DNAH8: variants seen among roughly 807,000 people sequenced by gnomAD.
The protein encoded by DNAH8 is axonemal beta dynein heavy chain 8.
Under a neutral mutation model 562.1 loss-of-function variants are expected in DNAH8, and 382 were observed. The ratio of observed to expected loss-of-function variants is 0.68; its 90% CI spans 0.63 to 0.74. The LOEUF is 0.74. DNAH8 is among the 30% of genes least tolerant of loss of function. The pLI, the probability that DNAH8 is intolerant of heterozygous loss-of-function variation, is 0.00. For missense variants in DNAH8, 5,203 were observed against 5,620.4 expected (o/e 0.93, Z 2.37); for synonymous variants, 1,881 against 1,919.4 (o/e 0.98, Z 0.52).
Position 38,828,197 on chromosome 6 carries a change from T to C in DNAH8, c.4097T>C (p.Ile1366Thr). ...TTCATCCTGCAGGAAGCCTATGCTA[T>C]TTTAAACAGATTTGAAGTTGAAGTA... ...TLGPIEEAYAILNRFEVEVTK... is the reference protein window; with the variant it reads ...TLGPIEEAYATLNRFEVEVTK... The change falls in exon 30 of 93, where the codon ATT (isoleucine) becomes ACT (threonine). Residue 1366 changes from isoleucine (I) to threonine (T), a missense_variant. Transcript: ENST00000327475. 1 of 1,592,104 alleles carries C rather than the reference T, an allele frequency of 6.3e-7. No homozygotes were observed. Among genetic ancestry groups the C allele is most frequent in the Non-Finnish European group, 8.5e-7 (1 of 1,170,568 alleles).
chr6:38,851,229 C>T (rs1462213359), intron 38 of DNAH8, among the ~76,000 whole-genome samples: 4 of 152,256 alleles, frequency 2.6e-5, no homozygotes, highest in African/African-American at 9.6e-5. Context: ...CTCCCTTTCA[C>T]TCTCAAAATG....
chr6:38,807,407 C>T (rs1771378042), intron 23 of DNAH8, among the ~76,000 whole-genome samples: 1 of 152,156 alleles, frequency 6.6e-6, no homozygotes. Flanking sequence ...TTTATGCAAA[C>T]ACATTTTTCA....
intron 57 of DNAH8, among the ~76,000 whole-genome samples, chr6:38,888,632 G>A (rs763190904): frequency 5.9e-5 from 9 of 152,254 alleles, no homozygotes; most frequent in Non-Finnish European, 1.0e-4. Flanking sequence ...ACAAAGTAAA[G>A]ATGGTAAACA....
Position 38,826,380 on chromosome 6 carries a change from G to A in DNAH8, c.4072G>A (p.Gly1358Arg). 1 of 1,591,452 alleles carries A rather than the reference G, an allele frequency of 6.3e-7. No homozygotes were observed. Among genetic ancestry groups the A allele is most frequent in the Non-Finnish European group, 8.5e-7 (1 of 1,171,154 alleles). ...TGAAATTCAAATGGACATGACTTTG[G>A]GACCAATTGAAGTAAGAAATGATTG... The part of the protein sequence containing the change: ...DNEIQMDMTL[G>R]PIEEAYAILN... The change falls in exon 29 of 93, where the codon GGA (glycine) becomes AGA (arginine). Residue 1358 changes from glycine (G) to arginine (R), a missense_variant. Coordinates refer to ENST00000327475, the MANE Select transcript of DNAH8 (RefSeq NM_001206927.2).
At chr6:38,980,828 G>A (rs896764138) in intron 85 of DNAH8, among the ~76,000 whole-genome samples, 4 of 151,958 alleles carry the variant, frequency 2.6e-5, no homozygotes, top group Admixed American at 1.3e-4. Context: ...TAATCTTAAT[G>A]GTTTACTAAA....
intron 7 of DNAH8, among the ~76,000 whole-genome samples, chr6:38,740,055 C>T (rs1483009042): frequency 2.6e-5 from 4 of 152,076 alleles, no homozygotes; most frequent in Non-Finnish European, 5.9e-5. Context: ...TTTTGTTTGT[C>T]TCACTGGTGT....
At chr6:38,768,861 T>A (rs892182897) in intron 11 of DNAH8, among the ~76,000 whole-genome samples, 2 of 152,204 alleles carry the variant, frequency 1.3e-5, no homozygotes, top group African/African-American at 4.8e-5. Flanking sequence ...TTATTGCTAC[T>A]TGCAGGATTC....
chr6:39,004,335 A>G (rs1454903833), intron 88 of DNAH8, among the ~76,000 whole-genome samples: 1 of 152,204 alleles, frequency 6.6e-6, no homozygotes, highest in Non-Finnish European at 1.5e-5. Context: ...TAATCCCACA[A>G]TTAGACATAC....
chr6:38,883,686 T>C (rs1293618842), intron 55 of DNAH8, among the ~76,000 whole-genome samples, 190 bp from the exon 56 acceptor site: 2 of 152,186 alleles, frequency 1.3e-5, no homozygotes, highest in Non-Finnish European at 2.9e-5. Context: ...GCATATCTAC[T>C]GTAATGTAAA....
chr6:38,757,952 C>T lies in DNAH8; in HGVS notation c.1515+1873C>T, dbSNP rs538207566. 4.6e-5 allele frequency among the ~76,000 whole-genome samples: 7 copies of T among 152,234 alleles called. No homozygotes were observed. In the South Asian group the frequency reaches 1.0e-3, roughly 23 times the overall value. Reference sequence around the variant, plus strand: ...TGTAGTATAGTTTGAAGTCAGGTAGCGTGATGCCTCTAGCTTTGTTCTTTT... The same window carrying T: ...TGTAGTATAGTTTGAAGTCAGGTAGTGTGATGCCTCTAGCTTTGTTCTTTT... On this transcript the variant is annotated intron_variant, in intron 10 of 92. Coordinates refer to ENST00000327475, the MANE Select transcript of DNAH8 (RefSeq NM_001206927.2).
rs1278891543 is a variant in DNAH8 at position 38,780,080 on chromosome 6, T to TATAA, written c.2139+21_2139+24dup. 3 of 1,609,700 alleles carry TATAA rather than the reference T, an allele frequency of 1.9e-6. No individual in the cohort carries two copies. The highest frequency in any genetic ancestry group is 1.7e-6 in the Non-Finnish European group (2 of 1,177,260). On this transcript the variant is annotated intron_variant, in intron 15 of 92. Transcript: ENST00000327475. Reference sequence around the variant, plus strand: ...CTACTAAGAAGGCAAGTGTCATGTTTATAAATAAAATGGTACATTAGCACA... The same window carrying TATAA: ...CTACTAAGAAGGCAAGTGTCATGTTTATAAATAAATAAAATGGTACATTAGCACA...
chr6:39,016,117 C>T (rs1393441770), intron 91 of DNAH8, among the ~76,000 whole-genome samples: 5 of 152,332 alleles, frequency 3.3e-5, no homozygotes, highest in Admixed American at 2.0e-4. Context: ...CTGGAAGCCT[C>T]GCTGGACACT....
At chr6:39,021,760 A>C (rs1419771696) in intron 91 of DNAH8, among the ~76,000 whole-genome samples, 1 of 152,258 alleles carries the variant, frequency 6.6e-6, no homozygotes, top group Non-Finnish European at 1.5e-5. Context: ...GCACAGCCTA[A>C]GGCCTATTGC....
chr6:38,960,739 A>G (rs183859597), intron 82 of DNAH8, among the ~76,000 whole-genome samples: 133 of 152,180 alleles, frequency 8.7e-4, no homozygotes, highest in African/African-American at 2.9e-3. Flanking sequence ...GAACTGCTCT[A>G]TGATTCAGCA....
rs191315362 is a variant in DNAH8, at chr6:38,970,762, C to T, written c.12452-830C>T. Among the ~76,000 whole-genome samples the T allele has an allele frequency of 2.3e-3, 351 of 152,260 alleles. 2 individuals carry two copies. Among genetic ancestry groups the T allele is most frequent in the Admixed American group, 0.014 (217 of 15,290 alleles). The stretch of plus-strand genomic sequence containing the variant: ...GCTTTTCCTTGTACAGGGATTATGC[C>T]TCTAGAACTCAAGAAAATTTGGGTC... On this transcript the variant is annotated intron_variant, in intron 82 of 92. Coordinates refer to ENST00000327475, the MANE Select transcript of DNAH8 (RefSeq NM_001206927.2).
intron 28 of DNAH8, among the ~76,000 whole-genome samples, chr6:38,824,314 A>G (rs942281609): frequency 1.3e-5 from 2 of 152,212 alleles, no homozygotes; most frequent in African/African-American, 2.4e-5. Flanking sequence ...CATCATCTGT[A>G]GAAGGATGCT....
At chr6:39,001,126 G>A (rs898843479) in intron 88 of DNAH8, among the ~76,000 whole-genome samples, 1 of 152,148 alleles carries the variant, frequency 6.6e-6, no homozygotes, top group African/African-American at 2.4e-5. Context: ...GGCCGATGCA[G>A]AGTGTGGCTT....
At chr6:38,870,616 C>A in intron 49 of DNAH8, 54 bp downstream of exon 49, 1 of 1,522,818 alleles carries the variant, frequency 6.6e-7, no homozygotes, top group Non-Finnish European at 8.9e-7. Context: ...GTTAAACATT[C>A]CTGTCTGAAT....
chr6:38,958,024 T>A (rs1168647246), intron 82 of DNAH8, among the ~76,000 whole-genome samples: 2 of 152,246 alleles, frequency 1.3e-5, no homozygotes, highest in Non-Finnish European at 2.9e-5. Context: ...TGTTTTTTTT[T>A]ATGAAGTCTT....
Sources: allele counts gnomAD v4.1 joint callset (sites outside exome capture counted in the v4.1 genomes callset), GRCh38; gene constraint gnomAD v4.1.1; transcripts MANE v1.5; gene names NCBI Gene and HGNC (gene_info 2026-07-23, HGNC 2026-07-21).